The following SLC4A1AP variants were observed in gnomAD, a reference collection of about 807,000 sequenced individuals.
SLC4A1AP encodes the protein kanadaptin.
SLC4A1AP carries 64 observed loss-of-function variants against 89.7 expected under a neutral mutation model. That is an observed-to-expected ratio of 0.71 (90% confidence interval 0.58 to 0.88). The LOEUF (loss-of-function observed/expected upper bound fraction) is 0.88. Ranked by LOEUF, SLC4A1AP falls within the 40% of genes least tolerant of loss-of-function variation. The pLI, the probability that SLC4A1AP is intolerant of heterozygous loss-of-function variation, is 0.00. For synonymous variants in SLC4A1AP, 366 were observed against 353.3 expected, an observed-to-expected ratio of 1.04 and a Z score of -0.40; for missense variants, 931 against 965.0, an observed-to-expected ratio of 0.96 and a Z score of 0.47.
In SLC4A1AP at chr2:27,683,215, G is replaced by GATTT. The variant is rs1264686074; in HGVS notation, c.1875+857_1875+860dup. Among the ~76,000 whole-genome samples the GATTT allele has an allele frequency of 3.3e-5, 5 of 152,290 alleles. No individual in the cohort carries two copies. In the East Asian group the frequency reaches 7.7e-4, roughly 24 times the overall value. On this transcript the variant is annotated intron_variant, in intron 9 of 13. Transcript: ENST00000613058. ...TCCAGGTCTGTCTCTTGAGCTTTATGATTTCCCTGCTACCCTACAATATAT... is the reference window on the plus strand; with the variant it reads ...TCCAGGTCTGTCTCTTGAGCTTTATGATTTATTTCCCTGCTACCCTACAATATAT...
intron 6 of SLC4A1AP, among the ~76,000 whole-genome samples, chr2:27,676,362 G>A (rs188400926): frequency 4.6e-5 from 7 of 152,296 alleles, no homozygotes. Flanking sequence ...TTTATAGTAG[G>A]ATTCAGAGCT....
chr2:27,670,379 G>A (rs1203845736), intron 5 of SLC4A1AP, among the ~76,000 whole-genome samples: 3 of 151,590 alleles, frequency 2.0e-5, no homozygotes, highest in Non-Finnish European at 2.9e-5. Flanking sequence ...TAAAGTCTGA[G>A]TAGAGCATCA....
intron 13 of SLC4A1AP, among the ~76,000 whole-genome samples, chr2:27,694,180 T>C (rs1675835205): frequency 6.6e-6 from 1 of 152,180 alleles, no homozygotes; most frequent in African/African-American, 2.4e-5. Context: ...TAGTTTCTTA[T>C]GGATACTTAT....
chr2:27,675,631 G>A lies in SLC4A1AP; in HGVS notation c.1445G>A (p.Arg482His), dbSNP rs752001371. The A allele has an allele frequency of 2.5e-5, 40 of 1,609,348 alleles. No individual in the cohort carries two copies. Among genetic ancestry groups the A allele is most frequent in the African/African-American group, 5.3e-5 (4 of 74,818 alleles). ...AGGACTGGCCTGATTGAGAAGAAGC[G>A]TCTGAACAGAATGAAGAAGGCTGGC... The change falls in exon 6 of 14, where the codon CGT becomes CAT. Residue 482 changes from arginine to histidine, a missense_variant. Arg to His is a conservative substitution (Grantham distance 29). Coordinates refer to ENST00000613058, the Ensembl canonical transcript of SLC4A1AP.
intron 13 of SLC4A1AP, 58 bp downstream of exon 13, chr2:27,693,812 G>A: frequency 7.7e-7 from 1 of 1,296,350 alleles, no homozygotes; most frequent in Admixed American, 2.0e-5. Flanking sequence ...TTTTGAATAG[G>A]TAATATAGAT....
chr2:27,678,938 GAACT>G (rs942542921), intron 8 of SLC4A1AP, among the ~76,000 whole-genome samples: 1 of 151,932 alleles, frequency 6.6e-6, no homozygotes, highest in African/African-American at 2.4e-5. Context: ...AGCTGGTCTT[GAACT>G]CCTGGCCTCA....
Position 27,666,368 on chromosome 2 carries a change from CCCCA to C in SLC4A1AP, c.1022-896_1022-893del, listed in dbSNP as rs1558504893. On this transcript the variant is annotated intron_variant, in intron 2 of 13. Transcript: ENST00000613058. Reference sequence around the variant, plus strand: ...TTGTGATCCACCCCCCACCCCCCCCCCCCACCCCGCCCCCCGGCCTCCCAAAGTG... The same window carrying C: ...TTGTGATCCACCCCCCACCCCCCCCCCCCCGCCCCCCGGCCTCCCAAAGTG... Among the ~76,000 whole-genome samples, 33 of 38,894 alleles carry C rather than the reference CCCCA, an allele frequency of 8.5e-4. 2 individuals are homozygous for C. Among genetic ancestry groups the C allele is most frequent in the African/African-American group, 2.1e-3 (27 of 12,712 alleles). 25.5% of individuals were successfully genotyped at this position (38,894 alleles called of 152,430 possible).
chr2:27,665,040 C>T (rs544234813), intron 1 of SLC4A1AP, 60 bp from the exon 2 acceptor site: 4 of 1,397,108 alleles, frequency 2.9e-6, no homozygotes, highest in African/African-American at 1.4e-5. Flanking sequence ...CCAGCCTAGG[C>T]GACAGAGCAA....
intron 7 of SLC4A1AP, 132 bp downstream of exon 7, chr2:27,677,496 A>T (rs141947385): frequency 1.5e-6 from 1 of 689,008 alleles, no homozygotes; most frequent in East Asian, 2.7e-5. Context: ...ACCGTTTTAG[A>T]ACTAGAAAGA....
At chr2:27,685,307 T>C (rs765588038) in intron 10 of SLC4A1AP, 30 bp downstream of exon 10, 6 of 1,578,744 alleles carry the variant, frequency 3.8e-6, no homozygotes, top group Non-Finnish European at 4.3e-6. Flanking sequence ...TCCTGTGTTG[T>C]TCAGTGGGCA....
At chr2:27,681,406 C>G (rs1675617533) in intron 8 of SLC4A1AP, among the ~76,000 whole-genome samples, 1 of 152,114 alleles carries the variant, frequency 6.6e-6, no homozygotes, top group Admixed American at 6.5e-5. Flanking sequence ...TAGCTAACAT[C>G]TGGTATGGGT....
chr2:27,673,010 A>C (rs1675450367), intron 5 of SLC4A1AP, among the ~76,000 whole-genome samples: 1 of 141,654 alleles, frequency 7.1e-6, no homozygotes, highest in African/African-American at 2.5e-5. Flanking sequence ...CGTAATCCAA[A>C]GGCTTTCTGT....
intron 4 of SLC4A1AP, 32 bp from the exon 5 acceptor site, chr2:27,669,216 G>A: frequency 6.3e-7 from 1 of 1,576,880 alleles, no homozygotes; most frequent in Non-Finnish European, 8.6e-7. Context: ...GGAGCTTAAT[G>A]CTGTGCTATA....
chr2:27,669,920 A>G (rs939941143), intron 5 of SLC4A1AP, among the ~76,000 whole-genome samples: 2 of 152,086 alleles, frequency 1.3e-5, no homozygotes, highest in African/African-American at 4.8e-5. Flanking sequence ...CTAGAGTGCA[A>G]TGGCGCAATC....
In SLC4A1AP at chr2:27,688,024, A is replaced by G; in HGVS notation, c.2203+4A>G. 6.2e-7 allele frequency: 1 copy of G among 1,612,850 alleles called. No homozygotes were observed. Among genetic ancestry groups the G allele is most frequent in the Non-Finnish European group, 8.5e-7 (1 of 1,178,896 alleles). ...TCATTGTGCGCAGGACCCTCAGGCAAGTAGTACGGCAGCCTTCATTGCTGC... is the reference window on the plus strand; with the variant it reads ...TCATTGTGCGCAGGACCCTCAGGCAGGTAGTACGGCAGCCTTCATTGCTGC... On this transcript the variant is annotated splice_donor_region_variant and intron_variant, in intron 11 of 13. Transcript: ENST00000613058.
At chr2:27,679,891 A>T (rs1001047324) in intron 8 of SLC4A1AP, among the ~76,000 whole-genome samples, 1 of 152,160 alleles carries the variant, frequency 6.6e-6, no homozygotes, top group African/African-American at 2.4e-5. Context: ...TGCTCTCAGG[A>T]GAAATCTATA....
chr2:27,694,352 ATACT>A (rs1235270244), intron 13 of SLC4A1AP, among the ~76,000 whole-genome samples: 2 of 152,200 alleles, frequency 1.3e-5, no homozygotes, highest in African/African-American at 2.4e-5. Flanking sequence ...AATGTATGAG[ATACT>A]TACTTCCTCA....
intron 3 of SLC4A1AP, among the ~76,000 whole-genome samples, chr2:27,667,985 A>T (rs916874051): frequency 6.6e-6 from 1 of 152,212 alleles, no homozygotes; most frequent in African/African-American, 2.4e-5. Flanking sequence ...AAAGTGAAAC[A>T]TACTATACAG....
intron 12 of SLC4A1AP, 165 bp from the exon 13 acceptor site, chr2:27,693,520 T>A: frequency 1.7e-6 from 1 of 586,336 alleles, no homozygotes; most frequent in Non-Finnish European, 3.0e-6. Flanking sequence ...GAAAAAGACT[T>A]TATTTCTCTT....
Sources: gnomAD v4.1 joint callset for allele counts (sites outside exome capture counted in the v4.1 genomes callset) on GRCh38, gnomAD v4.1.1 for gene constraint, MANE v1.5 for transcripts, NCBI Gene and HGNC (gene_info 2026-07-23, HGNC 2026-07-21) for gene names.